HP: variants seen among roughly 807,000 people sequenced by gnomAD.
HP encodes haptoglobin.
HP carries 9 observed loss-of-function variants against 23.2 expected under a neutral mutation model. That is an observed-to-expected ratio of 0.39 (90% CI 0.23 to 0.68). HP has a LOEUF of 0.68. Ranked by LOEUF, HP falls within the 30% of genes least tolerant of loss-of-function variation. The pLI is 0.47. For synonymous variants in HP, 155 were observed against 183.3 expected (o/e 0.85, Z 1.25); for missense variants, 433 against 483.6 (o/e 0.90, Z 0.98).
intron 1 of HP, 158 bp from the exon 2 acceptor site, chr16:72,056,003 T>C (rs2041453116): frequency 1.5e-6 from 2 of 1,301,788 alleles, no homozygotes; most frequent in Non-Finnish European, 2.1e-6. Context: ...GTCCTAGCAC[T>C]TCCATATATC....
chr16:72,057,740 C>A lies in HP; in HGVS notation c.265+274C>A. ...CAGGAGAGCCTGTGCATACAGAGAGCCTGCTAGAAAGCCCTGGGTCTAAGG... is the reference window on the plus strand; with the variant it reads ...CAGGAGAGCCTGTGCATACAGAGAGACTGCTAGAAAGCCCTGGGTCTAAGG... On this transcript the variant is annotated intron_variant, in intron 4 of 6. Coordinates refer to ENST00000355906, the MANE Select transcript of HP (RefSeq NM_005143.5). The A allele has an allele frequency of 9.1e-6, 4 of 439,926 alleles. 1 individual carries two copies. In the East Asian group the frequency reaches 1.5e-4, roughly 17 times the overall value. The allele number at this position is 439,926 out of a possible 1,614,324, so 27.3% of individuals were successfully genotyped here.
Position 72,059,125 on chromosome 16 carries a change from T to C in HP, c.379T>C (p.Leu127=). ...GCCTTTTGTTTCAGGAGTGTACACC[T>C]TAAACAATGAGAAGCAGTGGATAAA... The part of the protein sequence containing the change: ...LRTEGDGVYT[L]NNEKQWINKA... Residue 127 remains leucine (L), a synonymous_variant, in exon 6 of 7, where the codon TTA becomes CTA. Transcript: ENST00000355906. 6.4e-7 allele frequency: 1 copy of C among 1,565,580 alleles called. No individual in the cohort carries two copies. The highest frequency in any genetic ancestry group is 1.6e-5 in the African/African-American group (1 of 64,224).
intron 1 of HP, chr16:72,055,106 T>G (rs2041439175): frequency 5.4e-6 from 1 of 186,100 alleles, no homozygotes; most frequent in Admixed American, 5.5e-5. Context: ...CTTATAAAAA[T>G]AAACACTTTT....
chr16:72,057,121 T>C, intron 3 of HP: 1 of 512,538 alleles, frequency 2.0e-6, no homozygotes, highest in Non-Finnish European at 3.6e-6. Flanking sequence ...AGAGGCAGAG[T>C]CAGGATTTGA....
intron 2 of HP, 123 bp downstream of exon 2, chr16:72,056,366 C>T (rs1184106955): frequency 2.4e-5 from 37 of 1,559,998 alleles, no homozygotes; most frequent in Non-Finnish European, 3.1e-5. Context: ...CCATAAAGAA[C>T]ATTGGGGTTC....
Position 72,060,621 on chromosome 16 carries a change from G to C in HP, c.952G>C (p.Val318Leu). ...QCIRHYEGST[V>L]PEKKTPKSPV... ...CATAAGGCATTATGAAGGCAGCACA[G>C]TCCCCGAAAAGAAGACACCGAAGAG... Residue 318 changes from valine to leucine, a missense_variant, in exon 7 of 7, where the codon GTC (valine) becomes CTC (leucine). Physicochemically the swap from Val to Leu is conservative, Grantham distance 32. Around this residue, in one of 3 missense-constraint regions of HP, gnomAD observed 326 missense variants for 358.1 expected, o/e 0.91. Transcript: ENST00000355906. 2 of 1,614,188 alleles carry C rather than the reference G, an allele frequency of 1.2e-6. No homozygotes were observed. The highest frequency in any genetic ancestry group is 1.7e-6 in the Non-Finnish European group (2 of 1,180,042).
chr16:72,056,069 G>A lies in HP; in HGVS notation c.6-92G>A, dbSNP rs1303095998. The A allele has an allele frequency of 4.6e-6, 7 of 1,516,750 alleles. No homozygotes were observed. In the South Asian group the frequency reaches 7.9e-5, roughly 17 times the overall value. The allele number at this position is 1,516,750 out of a possible 1,614,324, so 94.0% of individuals were successfully genotyped here. ...AGTGTGTGTGTATGCATGTGTGTGT[G>A]TGTGTGTGTACATGCATGTGTGTGT... On this transcript the variant is annotated intron_variant, in intron 1 of 6. Coordinates refer to ENST00000355906, the MANE Select transcript of HP (RefSeq NM_005143.5).
intron 1 of HP, 97 bp from the exon 2 acceptor site, chr16:72,056,064 T>A: frequency 1.3e-6 from 2 of 1,503,604 alleles, no homozygotes; most frequent in South Asian, 2.3e-5. Flanking sequence ...TATGCATGTG[T>A]GTGTGTGTGT....
intron 1 of HP, 48 bp downstream of exon 1, chr16:72,054,705 A>T: frequency 6.2e-7 from 1 of 1,611,940 alleles, no homozygotes; most frequent in Non-Finnish European, 8.5e-7. Context: ...TCTTTATTTC[A>T]GTCTTTTTTG....
intron 6 of HP, chr16:72,059,513 A>G: frequency 2.7e-6 from 1 of 373,538 alleles, no homozygotes; most frequent in Non-Finnish European, 4.9e-6. Flanking sequence ...AAGTCAAGGA[A>G]TGACATAAAA....
intron 5 of HP, chr16:72,058,714 T>G (rs1435020315): frequency 2.9e-6 from 1 of 341,326 alleles, no homozygotes; most frequent in Admixed American, 4.8e-5. Context: ...GGCTTTATAC[T>G]TATTTGCTCA....
chr16:72,058,370 A>G lies in HP; in HGVS notation c.367+15A>G. ...AGAAGGAGATGGTAAGATGTGGACA[A>G]CTGTCTCCATGCCCTACATACAACC... On this transcript the variant is annotated intron_variant, in intron 5 of 6. Transcript: ENST00000355906. 1 of 569,244 alleles carries G rather than the reference A, an allele frequency of 1.8e-6. No homozygotes were observed. The highest frequency in any genetic ancestry group is 2.8e-6 in the Non-Finnish European group (1 of 353,452). 35.3% of individuals were successfully genotyped at this position (569,244 alleles called of 1,614,324 possible).
rs543719646 is a variant in HP, at chr16:72,055,577, CCTT to C, written c.6-581_6-579del. 1.0e-4 allele frequency: 17 copies of C among 168,164 alleles called. No individual in the cohort carries two copies. The South Asian group carries it at 2.4e-3, about 23-fold the overall frequency. The allele number at this position is 168,164 out of a possible 1,614,324, so 10.4% of individuals were successfully genotyped here. A position where few individuals can be genotyped will look rare whatever the true frequency, so the allele number is the denominator to read the frequency against. ...TGGACACCAGTTCTCTTCCAGGTAA[CCTT>C]CTGGCATTTTGGGGTTTCAGATACC... is the stretch of plus-strand genomic sequence containing the variant. On this transcript the variant is annotated intron_variant, in intron 1 of 6. Transcript: ENST00000355906.
intron 6 of HP, chr16:72,059,910 C>G: frequency 7.8e-7 from 1 of 1,274,926 alleles, no homozygotes; most frequent in Admixed American, 2.9e-5. Flanking sequence ...GGAAATAGAG[C>G]TTTTTGTAAT....
chr16:72,055,714 A>G (rs1452636925), intron 1 of HP: 1 of 250,294 alleles, frequency 4.0e-6, no homozygotes, highest in Non-Finnish European at 8.1e-6. Flanking sequence ...GAGGAATAGC[A>G]CAGTAAGCCC....
Position 72,060,874 on chromosome 16 carries a change from C to T in HP, c.1205C>T (p.Thr402Ile). ...TCCATCCAGGACTGGGTTCAGAAGA[C>T]CATAGCTGAGAACTAATGCAAGGCT... is the stretch of plus-strand genomic sequence containing the variant. ...VTSIQDWVQK[T>I]IAEN Residue 402 changes from threonine (T) to isoleucine (I), a missense_variant, in exon 7 of 7, where the codon ACC (threonine) becomes ATC (isoleucine). Physicochemically the swap from Thr to Ile is moderately conservative, Grantham distance 89 (BLOSUM62 -1). Coordinates refer to ENST00000355906, the MANE Select transcript of HP (RefSeq NM_005143.5). 1 of 1,590,748 alleles carries T rather than the reference C, an allele frequency of 6.3e-7. No homozygotes were observed. The highest frequency in any genetic ancestry group is 8.6e-7 in the Non-Finnish European group (1 of 1,168,868).
At chr16:72,055,076 T>A (rs979780317) in intron 1 of HP, 7 of 260,680 alleles carry the variant, frequency 2.7e-5, no homozygotes, top group Non-Finnish European at 5.2e-5. Flanking sequence ...CTGGGATACA[T>A]CTAATTAAGG....
At chr16:72,055,963 T>C in intron 1 of HP, 198 bp from the exon 2 acceptor site, 1 of 923,060 alleles carries the variant, frequency 1.1e-6, no homozygotes, top group Non-Finnish European at 1.7e-6. Flanking sequence ...TGCTAAAGTG[T>C]GTATGGGCAG....
chr16:72,060,266 C>T lies in HP; in HGVS notation c.597C>T (p.Thr199=), dbSNP rs746163372. 1 of 1,614,128 alleles carries T rather than the reference C, an allele frequency of 6.2e-7. No homozygotes were observed. Among genetic ancestry groups the T allele is most frequent in the Non-Finnish European group, 8.5e-7 (1 of 1,180,032 alleles). ...TGATCAATGAACAATGGCTGCTGAC[C>T]ACGGCTAAAAATCTCTTCCTGAACC... The part of the protein sequence containing the change: ...ATLINEQWLL[T]TAKNLFLNHS... Residue 199 remains threonine (T), a synonymous_variant, in exon 7 of 7, where the codon ACC becomes ACT. Coordinates refer to ENST00000355906, the MANE Select transcript of HP (RefSeq NM_005143.5).
Sources: gnomAD v4.1 joint callset for allele counts on GRCh38, gnomAD v4.1.1 for gene constraint, gnomAD v4.1.1 regional missense constraint, MANE v1.5 for transcripts, NCBI Gene and HGNC (gene_info 2026-07-23, HGNC 2026-07-21) for gene names.